SBF2: variants seen among roughly 807,000 people sequenced by gnomAD.
SBF2 encodes SET binding factor 2.
SBF2 carries 112 observed loss-of-function variants against 225.2 expected under a neutral mutation model. The observed-to-expected ratio is 0.50, with a 90% confidence interval of 0.43 to 0.58. SBF2 has a LOEUF of 0.58. Ranked by LOEUF, SBF2 falls within the 20% of genes least tolerant of loss-of-function variation. The pLI is 0.00. For synonymous variants in SBF2, 763 were observed against 773.3 expected (o/e 0.99, Z 0.22); for missense variants, 1,996 against 2,206.2 (o/e 0.90, Z 1.91).
At chr11:10,230,782 T>C (rs747525475) in intron 1 of SBF2, among the ~76,000 whole-genome samples, 2 of 152,180 alleles carry the variant, frequency 1.3e-5, no homozygotes, top group Non-Finnish European at 2.9e-5. Context: ...CTGACAGTTA[T>C]GTATCTTGGA....
At chr11:9,951,170 G>A (rs981818668) in intron 16 of SBF2, among the ~76,000 whole-genome samples, 1 of 152,142 alleles carries the variant, frequency 6.6e-6, no homozygotes, top group Non-Finnish European at 1.5e-5. Context: ...AAAGGAGGAA[G>A]AAACAGTGTT....
chr11:10,170,569 C>T (rs949522365), intron 2 of SBF2, among the ~76,000 whole-genome samples: 16 of 151,984 alleles, frequency 1.1e-4, no homozygotes, highest in African/African-American at 3.6e-4. Context: ...GTAATTCTTC[C>T]AGTTTTTTTA....
At chr11:10,015,113 A>G (rs1213165366) in intron 6 of SBF2, among the ~76,000 whole-genome samples, 6 of 152,148 alleles carry the variant, frequency 3.9e-5, no homozygotes, top group Non-Finnish European at 8.8e-5. Flanking sequence ...CAGCCTGGGC[A>G]ACAAAGCAAG....
intron 16 of SBF2, chr11:9,915,582 T>C (rs1315492795): frequency 6.6e-6 from 1 of 152,164 alleles, no homozygotes; most frequent in East Asian, 1.9e-4. Context: ...GTTGCTACTG[T>C]AATTTTTTTT....
intron 13 of SBF2, among the ~76,000 whole-genome samples, chr11:9,988,106 C>A (rs775869284): frequency 3.9e-5 from 6 of 152,050 alleles, no homozygotes; most frequent in African/African-American, 9.7e-5. Flanking sequence ...AGAAATAGAC[C>A]TAAATACTTA....
intron 2 of SBF2, among the ~76,000 whole-genome samples, chr11:10,063,846 C>CAGAGAGAG (rs1324047076): frequency 7.3e-6 from 1 of 136,840 alleles, no homozygotes. Context: ...CACACACACA[C>CAGAGAGAG]ACACACACAC....
At chr11:10,259,065 C>G (rs1961176610) in intron 1 of SBF2, among the ~76,000 whole-genome samples, 1 of 152,064 alleles carries the variant, frequency 6.6e-6, no homozygotes, top group African/African-American at 2.4e-5. Context: ...TTTATTGTAC[C>G]CTTATAATAT....
intron 17 of SBF2, among the ~76,000 whole-genome samples, chr11:9,865,913 T>C (rs1263436423): frequency 6.6e-6 from 1 of 152,132 alleles, no homozygotes; most frequent in African/African-American, 2.4e-5. Flanking sequence ...TTCTTGTTTC[T>C]GTTAATAGAC....
intron 17 of SBF2, among the ~76,000 whole-genome samples, chr11:9,865,718 G>GAAAAAAAA (rs1858157887): frequency 3.6e-5 from 1 of 27,862 alleles, no homozygotes; most frequent in Non-Finnish European, 6.9e-5. Flanking sequence ...AAAAAAAAAG[G>GAAAAAAAA]CGGGAGGCGT....
At chr11:9,981,537 G>T (rs1046081973) in intron 13 of SBF2, among the ~76,000 whole-genome samples, 1 of 152,092 alleles carries the variant, frequency 6.6e-6, no homozygotes, top group African/African-American at 2.4e-5. Context: ...TTTTTCAAGA[G>T]ATATACAACC....
At position 10,235,309 on chromosome 11, in the gene SBF2, T is replaced by C. The variant is rs184156064; in HGVS notation, c.56-41322A>G. Among the ~76,000 whole-genome samples, 827 of 152,160 alleles carry C rather than the reference T, an allele frequency of 5.4e-3. 3 individuals are homozygous for C. The highest frequency in any genetic ancestry group is 0.014 in the Middle Eastern group (4 of 294). On this transcript the variant is annotated intron_variant, in intron 1 of 39. Coordinates refer to ENST00000256190, the MANE Select transcript of SBF2 (RefSeq NM_030962.4). ...CAACACTTTGGGAGGCCAAGGCAGG[T>C]GGATCACCTGAGGTGAAGAGTTTGG...
At chr11:10,171,794 G>A (rs1301560757) in intron 2 of SBF2, among the ~76,000 whole-genome samples, 2 of 152,182 alleles carry the variant, frequency 1.3e-5, no homozygotes, top group Non-Finnish European at 1.5e-5. Context: ...TTTGCTGGGA[G>A]ACTTTTTATT....
At chr11:9,780,983 A>C (rs897290632) in intron 39 of SBF2, among the ~76,000 whole-genome samples, 1 of 152,180 alleles carries the variant, frequency 6.6e-6, no homozygotes, top group African/African-American at 2.4e-5. Flanking sequence ...TCATGGCCTG[A>C]GCAGGGCCAT....
chr11:9,974,960 CAA>C (rs1166081188), intron 13 of SBF2, among the ~76,000 whole-genome samples: 6 of 23,262 alleles, frequency 2.6e-4, no homozygotes, highest in Admixed American at 8.1e-4. Context: ...AACTTTGACT[CAA>C]AAAAAAAAAA....
rs1564923441 is a variant in SBF2 at position 9,858,375 on chromosome 11, G to A, written c.1951C>T (p.Gln651Ter). ...TCTTGTACACACGTGTAAGCAAACT[G>A]GCTGACTCCAGGGGCAAGTTTCTGT... ...FYRKLAPGVS[Q>*]FAYTCVQDHP... The change falls in exon 18 of 40, where the codon CAG (glutamine) becomes TAG (stop). Residue 651 changes from glutamine (Q) to a stop codon, truncating the protein, a stop_gained. Transcript: ENST00000256190. LOFTEE classifies it high-confidence loss of function. The A allele has an allele frequency of 6.2e-7, 1 of 1,614,094 alleles. No homozygotes were observed. Among genetic ancestry groups the A allele is most frequent in the Non-Finnish European group, 8.5e-7 (1 of 1,179,988 alleles).
At chr11:9,843,746 A>T (rs1856337277) in intron 24 of SBF2, 1 of 152,238 alleles carries the variant, frequency 6.6e-6, no homozygotes, top group Non-Finnish European at 1.5e-5. Context: ...GAATCATAAA[A>T]TACTGATATT....
intron 1 of SBF2, among the ~76,000 whole-genome samples, chr11:10,225,872 C>T (rs1336743576): frequency 6.6e-6 from 1 of 152,104 alleles, no homozygotes; most frequent in Non-Finnish European, 1.5e-5. Context: ...AAAAAGCACT[C>T]ATATACCCCA....
At chr11:9,941,005 T>TA (rs1865219278) in intron 16 of SBF2, among the ~76,000 whole-genome samples, 1 of 152,186 alleles carries the variant, frequency 6.6e-6, no homozygotes, top group African/African-American at 2.4e-5. Context: ...GAAGAGACTA[T>TA]AATTAGAAAT....
chr11:9,982,885 C>A (rs186322101), intron 13 of SBF2, among the ~76,000 whole-genome samples: 8 of 152,218 alleles, frequency 5.3e-5, no homozygotes, highest in African/African-American at 1.7e-4. Context: ...GAGAGCCAAG[C>A]GAAATACAGG....
Sources: gnomAD v4.1 joint callset for allele counts (sites outside exome capture counted in the v4.1 genomes callset) on GRCh38, gnomAD v4.1.1 for gene constraint, MANE v1.5 for transcripts, NCBI Gene and HGNC (gene_info 2026-07-23, HGNC 2026-07-21) for gene names.